GATB: variants seen among roughly 807,000 people sequenced by gnomAD.
GATB encodes the protein glutamyl-tRNA(Gln) amidotransferase subunit B, mitochondrial.
A neutral mutation model predicts 62.3 loss-of-function variants in GATB; 39 were observed. The observed-to-expected ratio is 0.63, with a 90% CI of 0.48 to 0.82. The LOEUF (loss-of-function observed/expected upper bound fraction) is 0.82. Ranked by LOEUF, GATB falls within the 40% of genes least tolerant of loss-of-function variation. The probability of loss-of-function intolerance (pLI) is 0.00; values close to 1 mark genes in which losing one functional copy is unlikely to be tolerated. For synonymous variants in GATB, 276 were observed against 258.9 expected, an observed-to-expected ratio of 1.07 and a Z score of -0.63; for missense variants, 670 against 684.0, an observed-to-expected ratio of 0.98 and a Z score of 0.23.
intron 2 of GATB, among the ~76,000 whole-genome samples, chr4:151,758,223 ACTC>A (rs1178685689): frequency 1.3e-5 from 2 of 151,388 alleles, no homozygotes; most frequent in African/African-American, 4.9e-5. Flanking sequence ...CTTTGAGTTG[ACTC>A]CTCCTCCTCC....
chr4:151,742,933 A>G (rs1001924018), intron 2 of GATB, among the ~76,000 whole-genome samples: 1 of 152,266 alleles, frequency 6.6e-6, no homozygotes, highest in South Asian at 2.1e-4. Flanking sequence ...TAGCTGTAAA[A>G]TTATGAAAGA....
chr4:151,691,745 A>C (rs781328643), intron 9 of GATB: 4 of 152,276 alleles, frequency 2.6e-5, no homozygotes, highest in East Asian at 1.9e-4. Flanking sequence ...TCTTGTTCTA[A>C]GTCACACACC....
chr4:151,732,291 T>TG (rs1300818556), intron 2 of GATB, among the ~76,000 whole-genome samples: 1 of 151,832 alleles, frequency 6.6e-6, no homozygotes, highest in Non-Finnish European at 1.5e-5. Flanking sequence ...GGGGGAAAGG[T>TG]GGGGAAAAGA....
Position 151,701,654 on chromosome 4 carries a change from G to A in GATB, c.1008-136C>T, listed in dbSNP as rs1332843957. On this transcript the variant is annotated intron_variant, in intron 8 of 12. Transcript: ENST00000263985. Reference sequence around the variant, plus strand: ...CAAATATTTTCAAATGTCCTATTACGTCAATTCTGTTTCCCAGGGAAGCCA... The same window carrying A: ...CAAATATTTTCAAATGTCCTATTACATCAATTCTGTTTCCCAGGGAAGCCA... The A allele has an allele frequency of 9.8e-6, 6 of 614,604 alleles. No individual in the cohort carries two copies. In the South Asian group the frequency reaches 1.5e-4, roughly 15 times the overall value. 38.1% of individuals were successfully genotyped at this position (614,604 alleles called of 1,614,324 possible).
At chr4:151,689,742 T>C (rs9996600) in intron 9 of GATB, among the ~76,000 whole-genome samples, 29,243 of 151,832 alleles carry the variant, frequency 0.19, 4,145 homozygotes, top group African/African-American at 0.4. Context: ...AAATCACACA[T>C]GAGGCGCGCA....
In GATB at chr4:151,760,912, G is replaced by C; in HGVS notation, c.71C>G (p.Ser24Cys). ...RWAFARVDGG[S>C]CHRRGAPTGS... Reference sequence around the variant, plus strand: ...AGTCGGAGCCCCTCTTCGGTGGCAAGAACCACCGTCAACCCGGGCGAAAGC... The same window carrying C: ...AGTCGGAGCCCCTCTTCGGTGGCAACAACCACCGTCAACCCGGGCGAAAGC... Residue 24 changes from serine to cysteine, a missense_variant, in exon 1 of 13, where the codon TCT becomes TGT. Physicochemically the swap from Ser to Cys is moderately radical, Grantham distance 112 (BLOSUM62 -1). Coordinates refer to ENST00000263985, the MANE Select transcript of GATB (RefSeq NM_004564.3). 6.2e-7 allele frequency: 1 copy of C among 1,613,944 alleles called. No homozygotes were observed. Among genetic ancestry groups the C allele is most frequent in the Non-Finnish European group, 8.5e-7 (1 of 1,179,916 alleles).
intron 2 of GATB, among the ~76,000 whole-genome samples, chr4:151,758,445 A>G (rs1739880277): frequency 6.6e-6 from 1 of 152,218 alleles, no homozygotes; most frequent in African/African-American, 2.4e-5. Context: ...CTGTTTGTTT[A>G]TAAGACACAT....
intron 11 of GATB, among the ~76,000 whole-genome samples, chr4:151,677,013 ATTC>A (rs1044729023): frequency 1.2e-4 from 19 of 152,162 alleles, no homozygotes; most frequent in African/African-American, 4.6e-4. Flanking sequence ...TCAGGACATG[ATTC>A]TTCTTTCTGT....
At chr4:151,732,527 A>G (rs534172598) in intron 2 of GATB, among the ~76,000 whole-genome samples, 2,114 of 151,902 alleles carry the variant, frequency 0.014, 45 homozygotes, top group African/African-American at 0.046. Context: ...CAGCATGCTC[A>G]TTAAGAGTCA....
chr4:151,710,794 C>A (rs1738802522), intron 5 of GATB, among the ~76,000 whole-genome samples: 1 of 152,194 alleles, frequency 6.6e-6, no homozygotes, highest in Non-Finnish European at 1.5e-5. Flanking sequence ...CCTTCCTTAT[C>A]TAGACTCTCT....
chr4:151,754,719 G>GA (rs997925085), intron 2 of GATB, among the ~76,000 whole-genome samples: 42 of 146,544 alleles, frequency 2.9e-4, no homozygotes, highest in East Asian at 7.9e-4. Flanking sequence ...ACTACAGATG[G>GA]AAAAAAAAAA....
chr4:151,722,115 T>C, intron 2 of GATB: 1 of 676,814 alleles, frequency 1.5e-6, no homozygotes, highest in Non-Finnish European at 2.6e-6. Context: ...AGGAATTTCC[T>C]AGGATCTTAG....
At chr4:151,720,542 A>T (rs1739007390) in intron 2 of GATB, 1 of 152,198 alleles carries the variant, frequency 6.6e-6, no homozygotes, top group Non-Finnish European at 1.5e-5. Context: ...TATTTTTGTT[A>T]GGATATTTAT....
Position 151,679,813 on chromosome 4 carries a change from C to T in GATB, c.1410G>A (p.Gln470=). The part of the protein sequence containing the change: ...SRTISSSAAK[Q]VFEELWKREG... Reference sequence around the variant, plus strand: ...GAAGCTGTCGGGAGTGTGGACATACCTGTTTAGCTGCTGATGAAGAAATTG... The same window carrying T: ...GAAGCTGTCGGGAGTGTGGACATACTTGTTTAGCTGCTGATGAAGAAATTG... Residue 470 remains glutamine (Q), a splice_region_variant and synonymous_variant, in exon 11 of 13, where the codon CAG becomes CAA. Coordinates refer to ENST00000263985, the MANE Select transcript of GATB (RefSeq NM_004564.3). 6.2e-7 allele frequency: 1 copy of T among 1,613,594 alleles called. No homozygotes were observed. The highest frequency in any genetic ancestry group is 8.5e-7 in the Non-Finnish European group (1 of 1,179,566).
At chr4:151,702,415 G>A (rs1489961049) in intron 8 of GATB, among the ~76,000 whole-genome samples, 6 of 152,168 alleles carry the variant, frequency 3.9e-5, no homozygotes, top group Admixed American at 6.5e-5. Context: ...AGTGTGACAC[G>A]ATGGTGGATG....
chr4:151,718,318 A>C (rs973844890), intron 3 of GATB, among the ~76,000 whole-genome samples: 3 of 152,164 alleles, frequency 2.0e-5, no homozygotes, highest in African/African-American at 7.2e-5. Context: ...ACACCCAGTT[A>C]AATCTGAATT....
At chr4:151,719,610 CCTCGCTGAATATGCAA>C (rs1738987905) in intron 2 of GATB, 72 bp from the exon 3 acceptor site, 29 of 1,035,410 alleles carry the variant, frequency 2.8e-5, no homozygotes, top group Non-Finnish European at 3.5e-5. Context: ...ACACTGACAT[CCTCGCTGAATATGCAA>C]CTTGGCCCTT....
rs146599884 is a variant in GATB, at chr4:151,753,606, T to C, written c.327+5166A>G. ...AAATGCATGTGTTCAGTTGATCATATTAATCAAAAGCCTCTCCTGTCTTTA... is the reference window on the plus strand; with the variant it reads ...AAATGCATGTGTTCAGTTGATCATACTAATCAAAAGCCTCTCCTGTCTTTA... On this transcript the variant is annotated intron_variant, in intron 2 of 12. Coordinates refer to ENST00000263985, the MANE Select transcript of GATB (RefSeq NM_004564.3). Among the ~76,000 whole-genome samples, 708 of 152,330 alleles carry C rather than the reference T, an allele frequency of 4.6e-3. 4 individuals carry two copies. Among genetic ancestry groups the C allele is most frequent in the Non-Finnish European group, 7.8e-3 (532 of 68,032 alleles).
chr4:151,748,655 G>C (rs1739653086), intron 2 of GATB, among the ~76,000 whole-genome samples: 1 of 152,176 alleles, frequency 6.6e-6, no homozygotes, highest in Non-Finnish European at 1.5e-5. Flanking sequence ...AGCCAAAATT[G>C]ACAAATGGGA....
Sources: gnomAD v4.1 joint callset for allele counts (sites outside exome capture counted in the v4.1 genomes callset) on GRCh38, gnomAD v4.1.1 for gene constraint, MANE v1.5 for transcripts, NCBI Gene and HGNC (gene_info 2026-07-23, HGNC 2026-07-21) for gene names.